The following ZCWPW2 variants were observed in gnomAD, a reference collection of about 807,000 sequenced individuals.
ZCWPW2 encodes zinc finger CW-type and PWWP domain containing 2.
In ZCWPW2, 45 loss-of-function variants were observed where a neutral mutation model predicts 46.6. The ratio of observed to expected loss-of-function variants is 0.96; its 90% CI spans 0.76 to 1.24. The LOEUF is 1.24. Among genes scored for constraint, ZCWPW2 ranks in the 50% most tolerant of loss-of-function variants. ZCWPW2 has a pLI of 0.00. For synonymous variants in ZCWPW2, 152 were observed against 137.1 expected (o/e 1.11, Z -0.76); for missense variants, 429 against 403.9 (o/e 1.06, Z -0.53).
intron 6 of ZCWPW2, 136 bp from the exon 7 acceptor site, chr3:28,513,928 C>T (rs1575227375): frequency 1.5e-5 from 6 of 392,206 alleles, no homozygotes; most frequent in East Asian, 1.7e-4. Context: ...GTTGACTAGA[C>T]GTAAAGATGT....
At position 28,366,987 on chromosome 3, in the gene ZCWPW2, A is replaced by G. The variant is rs371063838; in HGVS notation, c.-134+17784A>G. The stretch of plus-strand genomic sequence containing the variant: ...TTGTATTTCTGTGGGATCAGTGGTT[A>G]TACCCCCTTTTAACATTTTTTATTG... On this transcript the variant is annotated intron_variant, in intron 1 of 9. Coordinates refer to ENST00000383768, the MANE Select transcript of ZCWPW2 (RefSeq NM_001040432.4). 4.6e-5 allele frequency among the ~76,000 whole-genome samples: 7 copies of G among 152,222 alleles called. No individual in the cohort carries two copies. The South Asian group carries it at 1.2e-3, about 27-fold the overall frequency.
intron 1 of ZCWPW2, among the ~76,000 whole-genome samples, chr3:28,353,612 C>T (rs190394657): frequency 4.4e-4 from 67 of 152,294 alleles, no homozygotes; most frequent in African/African-American, 8.2e-4. Flanking sequence ...ATCTGTGCTT[C>T]GCTAAGAACT....
intron 9 of ZCWPW2, among the ~76,000 whole-genome samples, chr3:28,523,886 A>G (rs1575239057): frequency 6.6e-6 from 1 of 152,138 alleles, no homozygotes; most frequent in African/African-American, 2.4e-5. Flanking sequence ...ATCCACCTGA[A>G]TAATTCACAA....
intron 3 of ZCWPW2, among the ~76,000 whole-genome samples, chr3:28,427,338 GA>G (rs1697057525): frequency 3.3e-5 from 5 of 152,202 alleles, no homozygotes; most frequent in Admixed American, 3.3e-4. Flanking sequence ...CCTCAAGTCT[GA>G]AAAGATGATG....
chr3:28,362,802 G>C (rs757980950), intron 1 of ZCWPW2, among the ~76,000 whole-genome samples: 7 of 152,080 alleles, frequency 4.6e-5, no homozygotes, highest in African/African-American at 1.2e-4. Context: ...CAAAGACAAT[G>C]AATCAACCTA....
chr3:28,454,510 G>A (rs1038099303), intron 4 of ZCWPW2, among the ~76,000 whole-genome samples: 2 of 152,114 alleles, frequency 1.3e-5, no homozygotes, highest in African/African-American at 2.4e-5. Context: ...AGGGGTACAC[G>A]TGTAGGATGT....
At chr3:28,411,876 G>A (rs1166737247) in intron 2 of ZCWPW2, among the ~76,000 whole-genome samples, 1 of 152,048 alleles carries the variant, frequency 6.6e-6, no homozygotes, top group Non-Finnish European at 1.5e-5. Context: ...ATGAAAAACA[G>A]TGTTACACTG....
At chr3:28,484,316 C>T (rs75314845) in intron 5 of ZCWPW2, among the ~76,000 whole-genome samples, 3,084 of 152,156 alleles carry the variant, frequency 0.02, 41 homozygotes, top group Non-Finnish European at 0.033. Flanking sequence ...GAAGTACTTT[C>T]TCTGCTTATA....
intron 4 of ZCWPW2, among the ~76,000 whole-genome samples, chr3:28,453,327 T>C (rs1044480980): frequency 6.6e-6 from 1 of 152,208 alleles, no homozygotes; most frequent in Non-Finnish European, 1.5e-5. Flanking sequence ...CTTCATCTCT[T>C]ATGAATTTAG....
intron 9 of ZCWPW2, among the ~76,000 whole-genome samples, chr3:28,524,165 T>C (rs1230818006): frequency 6.6e-6 from 1 of 151,918 alleles, no homozygotes; most frequent in Non-Finnish European, 1.5e-5. Context: ...TTTGACAAGA[T>C]GACCACAGAA....
intron 4 of ZCWPW2, among the ~76,000 whole-genome samples, chr3:28,435,658 T>G (rs1053126880): frequency 1.3e-5 from 2 of 151,986 alleles, no homozygotes; most frequent in Non-Finnish European, 2.9e-5. Context: ...GCTAATTTTT[T>G]TGTGTTTTTA....
intron 6 of ZCWPW2, among the ~76,000 whole-genome samples, chr3:28,496,206 G>A (rs1048979294): frequency 1.3e-5 from 2 of 151,798 alleles, no homozygotes; most frequent in Admixed American, 6.6e-5. Context: ...AACCGTGGAA[G>A]GAATTTACAG....
Position 28,349,052 on chromosome 3 carries a change from G to C in ZCWPW2, c.-285G>C. ...CGAGGAAACCGGAAGTCAGGCCCGA[G>C]GGAGCTGGGAGGGCGTTAGCGAAGC... On this transcript the variant is annotated 5_prime_UTR_variant, in exon 1 of 10. Transcript: ENST00000383768. The C allele has an allele frequency of 1.0e-6, 1 of 986,090 alleles. No homozygotes were observed. The highest frequency in any genetic ancestry group is 1.2e-6 in the Non-Finnish European group (1 of 830,436). 61.1% of individuals were successfully genotyped at this position (986,090 alleles called of 1,614,324 possible).
At chr3:28,443,342 G>T (rs1697846139) in intron 4 of ZCWPW2, among the ~76,000 whole-genome samples, 1 of 152,158 alleles carries the variant, frequency 6.6e-6, no homozygotes, top group Non-Finnish European at 1.5e-5. Flanking sequence ...ATTTAGTGGG[G>T]TCCTTCCTCA....
intron 1 of ZCWPW2, among the ~76,000 whole-genome samples, chr3:28,350,593 C>T (rs35702956): frequency 0.22 from 33,717 of 151,696 alleles, 4,387 homozygotes; most frequent in Middle Eastern, 0.29. Flanking sequence ...GTTGTAGAAC[C>T]CCTGCTAGAT....
At chr3:28,373,874 G>C (rs865830946) in intron 1 of ZCWPW2, among the ~76,000 whole-genome samples, 1 of 152,076 alleles carries the variant, frequency 6.6e-6, no homozygotes, top group Non-Finnish European at 1.5e-5. Flanking sequence ...TGTTGTTTGA[G>C]ATCCCTATAG....
chr3:28,405,474 T>G (rs1696121752), intron 2 of ZCWPW2, among the ~76,000 whole-genome samples: 1 of 151,954 alleles, frequency 6.6e-6, no homozygotes, highest in Non-Finnish European at 1.5e-5. Flanking sequence ...GAGGTTTTTG[T>G]TTGTTTGTTT....
intron 4 of ZCWPW2, among the ~76,000 whole-genome samples, chr3:28,444,664 C>T (rs1461844331): frequency 1.3e-5 from 2 of 152,266 alleles, no homozygotes; most frequent in Admixed American, 6.5e-5. Context: ...ACAATTTCAG[C>T]TCTTCCTCTA....
At chr3:28,384,950 A>G (rs934822756) in intron 1 of ZCWPW2, among the ~76,000 whole-genome samples, 2 of 152,140 alleles carry the variant, frequency 1.3e-5, no homozygotes, top group African/African-American at 4.8e-5. Context: ...TGTGTTTTAC[A>G]TACATTTCTA....
Sources: gnomAD v4.1 joint callset for allele counts (sites outside exome capture counted in the v4.1 genomes callset) on GRCh38, gnomAD v4.1.1 for gene constraint, MANE v1.5 for transcripts, NCBI Gene and HGNC (gene_info 2026-07-23, HGNC 2026-07-21) for gene names.